Variants in MAML2 observed in about 807,000 individuals in gnomAD.
MAML2 encodes mastermind-like protein 2.
Under a neutral mutation model 96.1 loss-of-function variants are expected in MAML2, and 22 were observed. The ratio of observed to expected loss-of-function variants is 0.23; its 90% CI spans 0.16 to 0.33. The LOEUF is 0.33. MAML2 is among the 10% of genes least tolerant of loss of function. The pLI, the probability that MAML2 is intolerant of heterozygous loss-of-function variation, is 1.00. For missense variants in MAML2, 1,367 were observed against 1,392.4 expected, an observed-to-expected ratio of 0.98 and a Z score of 0.29; for synonymous variants, 561 against 521.3, an observed-to-expected ratio of 1.08 and a Z score of -1.04.
At chr11:96,010,611 A>G (rs996849022) in intron 2 of MAML2, among the ~76,000 whole-genome samples, 3 of 152,232 alleles carry the variant, frequency 2.0e-5, no homozygotes, top group Admixed American at 1.3e-4. Flanking sequence ...GTGGCGAATG[A>G]AAAAAGAGAG....
At chr11:96,050,727 C>T (rs1719543607) in intron 2 of MAML2, among the ~76,000 whole-genome samples, 1 of 152,160 alleles carries the variant, frequency 6.6e-6, no homozygotes, top group Admixed American at 6.5e-5. Context: ...TGCAGCAGTT[C>T]TTGTAACTAG....
intron 1 of MAML2, among the ~76,000 whole-genome samples, chr11:96,255,342 G>A (rs1006125868): frequency 6.6e-6 from 1 of 152,186 alleles, no homozygotes; most frequent in African/African-American, 2.4e-5. Context: ...CTATTTCAGT[G>A]AATCTTGTAA....
intron 1 of MAML2, among the ~76,000 whole-genome samples, chr11:96,198,733 A>G (rs74978369): frequency 0.036 from 5,534 of 152,058 alleles, 338 homozygotes; most frequent in African/African-American, 0.13. Flanking sequence ...GAGGAACAAT[A>G]TCCCTTCTTC....
intron 1 of MAML2, among the ~76,000 whole-genome samples, chr11:96,232,627 G>A (rs1591086335): frequency 1.3e-5 from 2 of 152,054 alleles, no homozygotes; most frequent in South Asian, 2.1e-4. Context: ...CCGCCACCAC[G>A]CCCGGCTAAT....
intron 1 of MAML2, among the ~76,000 whole-genome samples, chr11:96,203,753 A>G (rs1035713112): frequency 2.6e-5 from 4 of 152,238 alleles, no homozygotes; most frequent in African/African-American, 4.8e-5. Context: ...GAATGAGTGA[A>G]TCAGTGCAGG....
chr11:96,253,600 G>A (rs1008916296), intron 1 of MAML2, among the ~76,000 whole-genome samples: 1 of 152,106 alleles, frequency 6.6e-6, no homozygotes, highest in Non-Finnish European at 1.5e-5. Context: ...GACAGAGATC[G>A]ACCACTAAAA....
At chr11:96,109,523 G>A (rs1417328727) in intron 1 of MAML2, among the ~76,000 whole-genome samples, 2 of 152,164 alleles carry the variant, frequency 1.3e-5, no homozygotes, top group South Asian at 2.1e-4. Context: ...CAGCAGACAT[G>A]GAGAGAATGA....
intron 2 of MAML2, among the ~76,000 whole-genome samples, chr11:96,045,584 G>A (rs1858883742): frequency 6.6e-6 from 1 of 152,142 alleles, no homozygotes; most frequent in Non-Finnish European, 1.5e-5. Context: ...CAATCAGAAA[G>A]AAAAATTGGT....
intron 2 of MAML2, among the ~76,000 whole-genome samples, chr11:96,026,574 T>C (rs984158827): frequency 1.3e-5 from 2 of 152,170 alleles, no homozygotes; most frequent in African/African-American, 4.8e-5. Context: ...GAGAGGGCTG[T>C]AAATCTCCCC....
intron 1 of MAML2, among the ~76,000 whole-genome samples, chr11:96,316,226 A>G (rs1863631392): frequency 6.6e-6 from 1 of 152,206 alleles, no homozygotes. Flanking sequence ...TTGCTTGCCC[A>G]TTCAAGAAGC....
At chr11:96,155,684 T>TAA (rs1734935239) in intron 1 of MAML2, among the ~76,000 whole-genome samples, 1 of 151,362 alleles carries the variant, frequency 6.6e-6, no homozygotes, top group Non-Finnish European at 1.5e-5. Flanking sequence ...AGTCACTTCT[T>TAA]CAGAGCAAGG....
In MAML2 at chr11:96,287,029, T is replaced by A. The variant is rs140926046; in HGVS notation, c.513+54354A>T. Among the ~76,000 whole-genome samples the A allele has an allele frequency of 3.4e-4, 51 of 152,060 alleles. No homozygotes were observed. The East Asian group carries it at 9.8e-3, about 29-fold the overall frequency. On this transcript the variant is annotated intron_variant, in intron 1 of 4. Transcript: ENST00000524717. ...TGATGCGCTGCTCTAGAGATGAAAA[T>A]AAATTGATATAAATGGAGATACTGA... is the stretch of plus-strand genomic sequence containing the variant.
chr11:96,028,901 C>G (rs938679120), intron 2 of MAML2, among the ~76,000 whole-genome samples: 11 of 152,050 alleles, frequency 7.2e-5, no homozygotes, highest in Non-Finnish European at 1.2e-4. Flanking sequence ...AACACACAGA[C>G]CATTTTTTTT....
intron 1 of MAML2, among the ~76,000 whole-genome samples, chr11:96,140,623 G>A (rs981447562): frequency 6.6e-6 from 1 of 152,220 alleles, no homozygotes; most frequent in African/African-American, 2.4e-5. Flanking sequence ...CTGGAGCAGT[G>A]CTGCCAGAGG....
In MAML2 at chr11:96,303,443, G is replaced by A. The variant is rs138537194; in HGVS notation, c.513+37940C>T. On this transcript the variant is annotated intron_variant, in intron 1 of 4. Transcript: ENST00000524717. ...AATTTTCCTCATGGAATGTGCCATA[G>A]AGTAAGAGTATAGGAACCATTATTC... 1.8e-3 allele frequency among the ~76,000 whole-genome samples: 279 copies of A among 152,276 alleles called. 5 individuals are homozygous for A. Among genetic ancestry groups the A allele is most frequent in the Middle Eastern group, 0.017 (5 of 294 alleles).
chr11:96,245,544 A>G (rs1248154063), intron 1 of MAML2, among the ~76,000 whole-genome samples: 1 of 152,146 alleles, frequency 6.6e-6, no homozygotes, highest in East Asian at 1.9e-4. Context: ...TATCCTTTAT[A>G]TAAACTTCTG....
intron 1 of MAML2, among the ~76,000 whole-genome samples, chr11:96,186,510 A>C (rs1861577493): frequency 6.6e-6 from 1 of 152,108 alleles, no homozygotes; most frequent in Admixed American, 6.6e-5. Flanking sequence ...AATCTCTTGA[A>C]CCCGGGAGGT....
At chr11:96,114,041 A>G (rs930850783) in intron 1 of MAML2, among the ~76,000 whole-genome samples, 1 of 151,740 alleles carries the variant, frequency 6.6e-6, no homozygotes, top group Non-Finnish European at 1.5e-5. Flanking sequence ...AAAATCAGGG[A>G]AACAGGCCTT....
At chr11:96,259,612 G>T (rs969184932) in intron 1 of MAML2, among the ~76,000 whole-genome samples, 4 of 152,164 alleles carry the variant, frequency 2.6e-5, no homozygotes, top group Admixed American at 2.0e-4. Flanking sequence ...TAATCCAGTG[G>T]CTCCTTCAAA....
Sources: gnomAD v4.1 joint callset for allele counts (sites outside exome capture counted in the v4.1 genomes callset) on GRCh38, gnomAD v4.1.1 for gene constraint, MANE v1.5 for transcripts, NCBI Gene and HGNC (gene_info 2026-07-23, HGNC 2026-07-21) for gene names.